Variants in SPATA13 observed in about 807,000 individuals in gnomAD.
The protein encoded by SPATA13 is spermatogenesis associated 13, also known as spermatogenesis-associated protein 13.
In SPATA13, 50 loss-of-function variants were observed where a neutral mutation model predicts 104.0. The ratio of observed to expected loss-of-function variants is 0.48; its 90% confidence interval spans 0.38 to 0.61. SPATA13 has a LOEUF of 0.61. Ranked by LOEUF, SPATA13 falls within the 20% of genes least tolerant of loss-of-function variation. The pLI is 0.00. For missense variants in SPATA13, 1,524 were observed against 1,690.6 expected (o/e 0.90, Z 1.73); for synonymous variants, 606 against 667.5 (o/e 0.91, Z 1.42).
intron 1 of SPATA13, among the ~76,000 whole-genome samples, chr13:24,183,682 C>T (rs891827937): frequency 3.3e-5 from 5 of 150,730 alleles, no homozygotes; most frequent in African/African-American, 1.2e-4. Context: ...AATTCTTCTT[C>T]TTCCAGAGTG....
intron 8 of SPATA13, among the ~76,000 whole-genome samples, chr13:24,289,455 A>G (rs147945527): frequency 1.1e-3 from 160 of 152,326 alleles, no homozygotes; most frequent in African/African-American, 3.7e-3. Flanking sequence ...AAAAATTTCT[A>G]AGGGTTATGC....
At chr13:24,285,204 CTT>C (rs1875841865) in intron 5 of SPATA13, among the ~76,000 whole-genome samples, 1 of 152,142 alleles carries the variant, frequency 6.6e-6, no homozygotes, top group African/African-American at 2.4e-5. Flanking sequence ...CTGTTCCTGA[CTT>C]TTTAATTGTT....
In SPATA13 at chr13:24,251,853, G is replaced by T. The variant is rs1420142166; in HGVS notation, c.2155G>T (p.Ala719Ser). 3 of 1,613,580 alleles carry T rather than the reference G, an allele frequency of 1.9e-6. No individual in the cohort carries two copies. The change falls in exon 4 of 13, where the codon GCA becomes TCA. Residue 719 changes from alanine (A) to serine (S), a missense_variant. Transcript: ENST00000382108. ...DRVGRRRQMR[A>S]SNVSSDGGTE... ...TGTGGGACGCCGGCGGCAGATGAGA[G>T]CATCCAACGGTGAGTCTCAGAGTCC... is the stretch of plus-strand genomic sequence containing the variant.
At chr13:24,122,039 C>A in intron 3 of SPATA13, 1 of 1,494,464 alleles carries the variant, frequency 6.7e-7, no homozygotes, top group Non-Finnish European at 9.3e-7. Flanking sequence ...TCACTACAAT[C>A]ACACAGCAGG....
chr13:24,026,220 C>T (rs1368682216), intron 3 of SPATA13, among the ~76,000 whole-genome samples: 2 of 152,068 alleles, frequency 1.3e-5, no homozygotes, highest in Non-Finnish European at 2.9e-5. Flanking sequence ...CCGTCTTTTT[C>T]CTTTTATGAT....
intron 3 of SPATA13, among the ~76,000 whole-genome samples, chr13:24,041,378 A>G (rs1877922831): frequency 6.6e-6 from 1 of 152,246 alleles, no homozygotes; most frequent in African/African-American, 2.4e-5. Context: ...ATTTTGACCC[A>G]GGTCAGAGTA....
At chr13:24,297,799 C>G (rs1413346208) in intron 11 of SPATA13, 64 bp downstream of exon 11, 3 of 1,537,692 alleles carry the variant, frequency 2.0e-6, no homozygotes, top group Admixed American at 3.7e-5. Flanking sequence ...TCATTCTCCA[C>G]TCCCATGGGC....
chr13:24,152,678 C>T (rs916944164), intron 3 of SPATA13, among the ~76,000 whole-genome samples: 2 of 152,198 alleles, frequency 1.3e-5, no homozygotes, highest in African/African-American at 4.8e-5. Context: ...TGGAAGATGT[C>T]TCTCTCTGTC....
chr13:24,068,368 A>G (rs929233805), intron 3 of SPATA13, among the ~76,000 whole-genome samples: 9 of 152,192 alleles, frequency 5.9e-5, no homozygotes, highest in African/African-American at 2.2e-4. Context: ...TATGTACCAT[A>G]CTTTTTTTAT....
chr13:24,024,062 T>A (rs565006978), intron 3 of SPATA13, among the ~76,000 whole-genome samples: 1 of 152,318 alleles, frequency 6.6e-6, no homozygotes, highest in East Asian at 1.9e-4. Flanking sequence ...GGGATCAGAA[T>A]TGCCACTGTG....
Position 24,254,029 on chromosome 13 carries a change from G to T in SPATA13, c.2164+2167G>T, listed in dbSNP as rs561571880. ...TGCTTAGAGAGGGAGGGCAGTTTGTGGGGGGAAAGGAAGAGGAATGGAGAT... is the reference window on the plus strand; with the variant it reads ...TGCTTAGAGAGGGAGGGCAGTTTGTTGGGGGAAAGGAAGAGGAATGGAGAT... On this transcript the variant is annotated intron_variant, in intron 4 of 12. Transcript: ENST00000382108. Among the ~76,000 whole-genome samples, 6 of 151,294 alleles carry T rather than the reference G, an allele frequency of 4.0e-5. No individual in the cohort carries two copies. In the South Asian group the frequency reaches 1.0e-3, roughly 26 times the overall value.
In SPATA13 at chr13:24,255,746, T is replaced by C. The variant is rs1363178861; in HGVS notation, c.2164+3884T>C. ...ATCTCTAGCATTTCCATCCCAGTCCTGGAACTCCTTCCTTTCTATGCACTG... is the reference window on the plus strand; with the variant it reads ...ATCTCTAGCATTTCCATCCCAGTCCCGGAACTCCTTCCTTTCTATGCACTG... On this transcript the variant is annotated intron_variant, in intron 4 of 12. Transcript: ENST00000382108. Among the ~76,000 whole-genome samples the C allele has an allele frequency of 2.0e-5, 3 of 152,210 alleles. 1 individual carries two copies. The highest frequency in any genetic ancestry group is 4.4e-5 in the Non-Finnish European group (3 of 68,040).
intron 3 of SPATA13, among the ~76,000 whole-genome samples, chr13:24,107,662 C>T (rs7321406): frequency 0.011 from 1,672 of 152,290 alleles, 28 homozygotes; most frequent in African/African-American, 0.037. Flanking sequence ...ACAGCGCCTA[C>T]GTCAGCTTTT....
intron 2 of SPATA13, among the ~76,000 whole-genome samples, chr13:23,989,516 C>T (rs1001213729): frequency 2.0e-5 from 3 of 152,062 alleles, no homozygotes; most frequent in South Asian, 2.1e-4. Context: ...CCCAAAATAG[C>T]GTATTATTAA....
At chr13:24,192,881 C>T (rs9580894) in intron 1 of SPATA13, among the ~76,000 whole-genome samples, 5,796 of 152,226 alleles carry the variant, frequency 0.038, 395 homozygotes, top group African/African-American at 0.13. Flanking sequence ...ACTTCCAGAG[C>T]CCAGCAGGTG....
At chr13:24,295,298 G>A (rs1162186762) in intron 10 of SPATA13, among the ~76,000 whole-genome samples, 2 of 152,048 alleles carry the variant, frequency 1.3e-5, no homozygotes, top group Admixed American at 1.3e-4. Flanking sequence ...CTACCTCATA[G>A]GCTACCGTGA....
intron 2 of SPATA13, among the ~76,000 whole-genome samples, chr13:24,235,813 C>T (rs1432540758): frequency 6.6e-6 from 1 of 152,192 alleles, no homozygotes; most frequent in Non-Finnish European, 1.5e-5. Context: ...CTAGCAATTG[C>T]TCCATCCACT....
In SPATA13 at chr13:24,137,110, G is replaced by A. The variant is rs1175751080; in HGVS notation, c.-111-85709G>A. On this transcript the variant is annotated intron_variant, in intron 3 of 14. Coordinates refer to the SPATA13 transcript ENST00000424834. ...CTCCCAAAGTGCTGGGATTACAGGC[G>A]TGAGCCACCGCGCCCGGCCTGTTCT... Among the ~76,000 whole-genome samples the A allele has an allele frequency of 1.3e-5, 2 of 150,876 alleles. 1 individual carries two copies. Among genetic ancestry groups the A allele is most frequent in the East Asian group, 3.9e-4 (2 of 5,096 alleles).
chr13:24,288,860 G>A (rs557612671), intron 7 of SPATA13, 139 bp from the exon 8 acceptor site: 13 of 637,788 alleles, frequency 2.0e-5, no homozygotes, highest in African/African-American at 1.9e-4. Flanking sequence ...ATGGAAGTAC[G>A]ATGACCTCAT....
Sources: gnomAD v4.1 joint callset for allele counts (sites outside exome capture counted in the v4.1 genomes callset) on GRCh38, gnomAD v4.1.1 for gene constraint, MANE v1.5 for transcripts, NCBI Gene and HGNC (gene_info 2026-07-23, HGNC 2026-07-21) for gene names.